Variants in PABPC1L observed in about 807,000 individuals in gnomAD.
The protein encoded by PABPC1L is poly(A) binding protein cytoplasmic 1 like, also known as polyadenylate-binding protein 1-like.
PABPC1L carries 31 observed loss-of-function variants against 66.6 expected under a neutral mutation model. The ratio of observed to expected loss-of-function variants is 0.47; its 90% CI spans 0.35 to 0.63. PABPC1L has a LOEUF of 0.63. Ranked by LOEUF, PABPC1L falls within the 20% of genes least tolerant of loss-of-function variation. The probability of loss-of-function intolerance (pLI) is 0.00; values close to 1 mark genes in which losing one functional copy is unlikely to be tolerated. For missense variants in PABPC1L, 722 were observed against 848.8 expected (o/e 0.85, Z 1.86); for synonymous variants, 348 against 335.1 (o/e 1.04, Z -0.42).
At chr20:44,913,265 T>TC (rs1217067294) in intron 2 of PABPC1L, among the ~76,000 whole-genome samples, 1 of 152,174 alleles carries the variant, frequency 6.6e-6, no homozygotes, top group African/African-American at 2.4e-5. Flanking sequence ...TTGGCTTTCC[T>TC]CCCTATGGCC....
intron 2 of PABPC1L, among the ~76,000 whole-genome samples, chr20:44,913,640 G>C (rs1182542268): frequency 2.6e-5 from 4 of 152,016 alleles, no homozygotes; most frequent in Admixed American, 2.6e-4. Flanking sequence ...GGCCAGGCTG[G>C]TCTCGAACTC....
chr20:44,923,685 A>G (rs2145566537), intron 6 of PABPC1L, among the ~76,000 whole-genome samples: 1 of 152,096 alleles, frequency 6.6e-6, no homozygotes, highest in African/African-American at 2.4e-5. Context: ...TTAGAGTGGC[A>G]CCTGGCACCA....
At chr20:44,931,017 C>CTT (rs1346965627) in intron 8 of PABPC1L, among the ~76,000 whole-genome samples, 3 of 15,786 alleles carry the variant, frequency 1.9e-4, no homozygotes, top group South Asian at 1.9e-3. Flanking sequence ...CCCTTCCTTC[C>CTT]CTTCCCTCCC....
Position 44,925,030 on chromosome 20 carries a change from G to A in PABPC1L, c.972+774G>A, listed in dbSNP as rs577221686. Among the ~76,000 whole-genome samples the A allele has an allele frequency of 1.6e-3, 230 of 146,932 alleles. 1 individual carries two copies. Among genetic ancestry groups the A allele is most frequent in the African/African-American group, 6.0e-3 (221 of 36,740 alleles). ...AGATCGAGACCATCCTCGCTAACACGGTGAAACCCCATCTCTACTAAAAAT... is the reference window on the plus strand; with the variant it reads ...AGATCGAGACCATCCTCGCTAACACAGTGAAACCCCATCTCTACTAAAAAT... On this transcript the variant is annotated intron_variant, in intron 7 of 14. Coordinates refer to ENST00000217073, the MANE Select transcript of PABPC1L (RefSeq NM_001372179.1).
intron 8 of PABPC1L, among the ~76,000 whole-genome samples, chr20:44,931,343 AT>A (rs549412206): frequency 6.8e-4 from 102 of 150,850 alleles, no homozygotes; most frequent in African/African-American, 2.4e-3. Flanking sequence ...TGCCCAGCTA[AT>A]TTTTTTGTTT....
chr20:44,921,487 G>A, intron 5 of PABPC1L, 107 bp from the exon 6 acceptor site: 1 of 1,474,390 alleles, frequency 6.8e-7, no homozygotes, highest in Non-Finnish European at 9.2e-7. Flanking sequence ...TTCTCAGCTA[G>A]TGTGGCCAGC....
chr20:44,910,603 A>G (rs1283340784), intron 1 of PABPC1L, among the ~76,000 whole-genome samples: 1 of 148,522 alleles, frequency 6.7e-6, no homozygotes, highest in African/African-American at 2.5e-5. Context: ...GGTGGGGGTC[A>G]GGCGGACCAG....
chr20:44,926,960 C>A (rs997038135), intron 7 of PABPC1L, among the ~76,000 whole-genome samples: 1 of 152,038 alleles, frequency 6.6e-6, no homozygotes, highest in African/African-American at 2.4e-5. Flanking sequence ...GCCACAACCT[C>A]AACCTCCTGG....
intron 5 of PABPC1L, among the ~76,000 whole-genome samples, chr20:44,919,573 G>A (rs1020597793): frequency 3.9e-5 from 6 of 152,188 alleles, no homozygotes; most frequent in African/African-American, 9.7e-5. Flanking sequence ...AGTTTCCACC[G>A]GGTGTGGTGG....
At chr20:44,919,125 C>T in intron 4 of PABPC1L, 58 bp from the exon 5 acceptor site, 1 of 1,613,914 alleles carries the variant, frequency 6.2e-7, no homozygotes, top group South Asian at 1.1e-5. Context: ...GAGGGGCTCT[C>T]CTGGGGTTTC....
In PABPC1L at chr20:44,918,939, G is replaced by A. The variant is rs768680711; in HGVS notation, c.537G>A (p.Arg179=). Residue 179 remains arginine, a synonymous_variant, in exon 4 of 15, where the codon CGG becomes CGA. Transcript: ENST00000217073. ...GTCACTTCAAGTCTCGACGGGAGCG[G>A]GAGGCGGAGCTGGGGGCGCGGGCCC... ...FVGHFKSRRE[R]EAELGARALE... 1.2e-5 allele frequency: 19 copies of A among 1,609,438 alleles called. No individual in the cohort carries two copies. Among genetic ancestry groups the A allele is most frequent in the Non-Finnish European group, 1.6e-5 (19 of 1,177,806 alleles).
intron 3 of PABPC1L, 55 bp from the exon 4 acceptor site, chr20:44,918,851 G>T: frequency 6.6e-7 from 1 of 1,524,624 alleles, no homozygotes; most frequent in Non-Finnish European, 8.8e-7. Flanking sequence ...TGGCATGGGG[G>T]TGGCTGATGG....
chr20:44,914,710 A>C, intron 2 of PABPC1L, among the ~76,000 whole-genome samples: 1 of 152,186 alleles, frequency 6.6e-6, no homozygotes, highest in South Asian at 2.1e-4. Flanking sequence ...AAAGGAAGAA[A>C]GACTCTTAAC....
intron 7 of PABPC1L, among the ~76,000 whole-genome samples, chr20:44,926,442 G>T (rs923766221): frequency 6.6e-6 from 1 of 151,670 alleles, no homozygotes; most frequent in Non-Finnish European, 1.5e-5. Flanking sequence ...GGCCGGGCTG[G>T]TCTCAAACTC....
Position 44,930,482 on chromosome 20 carries a change from G to A in PABPC1L, c.995G>A (p.Ser332Asn). The A allele has an allele frequency of 6.2e-7, 1 of 1,614,090 alleles. No homozygotes were observed. Among genetic ancestry groups the A allele is most frequent in the Non-Finnish European group, 8.5e-7 (1 of 1,179,934 alleles). ...SAKVMTEGGH[S>N]KGFGFVCFSS... Reference sequence around the variant, plus strand: ...TAGGTGATGACAGAGGGTGGCCACAGCAAGGGGTTTGGCTTTGTGTGTTTT... The same window carrying A: ...TAGGTGATGACAGAGGGTGGCCACAACAAGGGGTTTGGCTTTGTGTGTTTT... The change falls in exon 8 of 15, where the codon AGC becomes AAC. Residue 332 changes from serine (S) to asparagine (N), a missense_variant. Coordinates refer to ENST00000217073, the MANE Select transcript of PABPC1L (RefSeq NM_001372179.1).
At chr20:44,921,011 C>T (rs543072456) in intron 5 of PABPC1L, among the ~76,000 whole-genome samples, 150 of 151,146 alleles carry the variant, frequency 9.9e-4, no homozygotes, top group Admixed American at 4.9e-3. Flanking sequence ...TGGGGTTTCA[C>T]CAAGTTGGCC....
chr20:44,935,737 A>G (rs757619188), intron 11 of PABPC1L, among the ~76,000 whole-genome samples: 5 of 152,232 alleles, frequency 3.3e-5, no homozygotes, highest in Non-Finnish European at 5.9e-5. Context: ...GGATATCCTT[A>G]GTATTTGTGA....
At chr20:44,921,761 T>G (rs2066775712) in intron 6 of PABPC1L, 30 bp downstream of exon 6, 1 of 1,611,998 alleles carries the variant, frequency 6.2e-7, no homozygotes, top group African/African-American at 1.3e-5. Flanking sequence ...TGGCAGCCAC[T>G]TCTGTGTGAG....
At chr20:44,936,599 C>G in intron 11 of PABPC1L, 38 bp from the exon 12 acceptor site, 1 of 1,496,414 alleles carries the variant, frequency 6.7e-7, no homozygotes, top group African/African-American at 1.4e-5. Context: ...ACATGCCTGT[C>G]CATGGTGATT....
Sources: allele counts gnomAD v4.1 joint callset (sites outside exome capture counted in the v4.1 genomes callset), GRCh38; gene constraint gnomAD v4.1.1; transcripts MANE v1.5; gene names NCBI Gene and HGNC (gene_info 2026-07-23, HGNC 2026-07-21).